TRPM5: variants seen among roughly 807,000 people sequenced by gnomAD.
TRPM5 encodes MLSN1 and TRP-related.
TRPM5 carries 121 observed loss-of-function variants against 124.9 expected under a neutral mutation model. The observed-to-expected ratio is 0.97, with a 90% CI of 0.84 to 1.13. The LOEUF is 1.13. Among genes scored for constraint, TRPM5 ranks in the 50% most tolerant of loss-of-function variants. The pLI, the probability that TRPM5 is intolerant of heterozygous loss-of-function variation, is 0.00. For missense variants in TRPM5, 1,643 were observed against 1,589.1 expected (o/e 1.03, Z -0.58); for synonymous variants, 781 against 700.5 (o/e 1.11, Z -1.81).
chr11:2,405,676 C>T, intron 22 of TRPM5, 83 bp from the exon 28 acceptor site: 1 of 1,434,538 alleles, frequency 7.0e-7, no homozygotes, highest in Non-Finnish European at 9.6e-7. Flanking sequence ...CTCCCCTCTC[C>T]TGCCAGGGCC....
At chr11:2,425,136 G>A (rs1845828293), upstream of TRPM5, among the ~76,000 whole-genome samples, 2 of 152,174 alleles carry the variant, frequency 1.3e-5, no homozygotes, top group Non-Finnish European at 2.9e-5. Context: ...GTGGGGGCTG[G>A]AGGCTGGGAC....
exon 3 of TRPM5, chr11:2,421,038 C>T (rs559585322): frequency 5.3e-5 from 82 of 1,541,978 alleles, no homozygotes; most frequent in Non-Finnish European, 6.7e-5. Context: ...GCACCTGGGC[C>T]TCCTCCAGAA....
chr11:2,405,034 T>A (rs1850285098), exon 24 of TRPM5: 1 of 1,612,364 alleles, frequency 6.2e-7, no homozygotes. Context: ...CTCGCCACAG[T>A]GCTGAGAGCC....
chr11:2,405,759 G>A (rs980977352), intron 22 of TRPM5, among the ~76,000 whole-genome samples, 166 bp from the exon 28 acceptor site: 18 of 152,178 alleles, frequency 1.2e-4, no homozygotes, highest in East Asian at 1.9e-4. Flanking sequence ...CCCGTGAGGC[G>A]TGTAGAGTGA....
At chr11:2,404,682 CACGTTTTCTGCCCGGGG>C in exon 24 of TRPM5, 1 of 517,426 alleles carries the variant, frequency 1.9e-6, no homozygotes, top group Non-Finnish European at 3.5e-6. Context: ...TGCGGTGGGG[CACGTTTTCTGCCCGGGG>C]AGTTGTGCCT....
At chr11:2,414,186 T>C in exon 12 of TRPM5, 4 of 1,609,870 alleles carry the variant, frequency 2.5e-6, no homozygotes, top group Non-Finnish European at 3.4e-6. Flanking sequence ...TCACTGTTGC[T>C]GTAGCACTCG....
chr11:2,404,236 T>C (rs1850267288), downstream of TRPM5, among the ~76,000 whole-genome samples: 1 of 152,068 alleles, frequency 6.6e-6, no homozygotes, highest in Non-Finnish European at 1.5e-5. Context: ...AGTGGGCAGT[T>C]GGGGGGCCTG....
At chr11:2,411,065 G>A (rs1336858794) in intron 18 of TRPM5, among the ~76,000 whole-genome samples, 3 of 152,124 alleles carry the variant, frequency 2.0e-5, no homozygotes, top group Non-Finnish European at 4.4e-5. Context: ...CCAAGCAGGA[G>A]GCAGCCCTGG....
rs200153604 is a variant in TRPM5 at position 2,414,808 on chromosome 11, C to T, written c.1651G>A (p.Ala551Thr). Reference sequence around the variant, plus strand: ...GACATCTCTTTGAGGATTTTGCAGGCGGCCAGTGCGGCTGCCACACCTTCC... The same window carrying T: ...GACATCTCTTTGAGGATTTTGCAGGTGGCCAGTGCGGCTGCCACACCTTCC... Residue 551 changes from alanine to threonine, a missense_variant, in exon 11 of 24, where the codon GCC becomes ACC. Coordinates refer to ENST00000155858, the Ensembl canonical transcript of TRPM5. 157 of 1,582,332 alleles carry T rather than the reference C, an allele frequency of 9.9e-5. No individual in the cohort carries two copies. The African/African-American group carries it at 1.3e-3, about 13-fold the overall frequency.
intron 21 of TRPM5, 138 bp downstream of exon 26, chr11:2,406,523 C>G: frequency 8.2e-7 from 1 of 1,216,918 alleles, no homozygotes; most frequent in South Asian, 1.5e-5. Context: ...AAGCTAGGCC[C>G]CTGGGCTCGG....
chr11:2,413,941 TCTGTGCTG>T, intron 12 of TRPM5, 112 bp downstream of exon 17: 1 of 1,383,460 alleles, frequency 7.2e-7, no homozygotes, highest in Non-Finnish European at 9.9e-7. Context: ...CCCCGCCCCC[TCTGTGCTG>T]AGGACGGGAG....
intron 8 of TRPM5, 100 bp from the exon 14 acceptor site, chr11:2,415,571 C>T (rs1428600908): frequency 3.6e-6 from 3 of 832,286 alleles, no homozygotes; most frequent in Non-Finnish European, 5.5e-6. Context: ...CATGGGGATC[C>T]ATCCCCAGGG....
Position 2,413,923 on chromosome 11 carries a change from A to G in TRPM5, c.1890+138T>C, listed in dbSNP as rs1486860574. 16 of 1,254,034 alleles carry G rather than the reference A, an allele frequency of 1.3e-5. No homozygotes were observed. The Admixed American group carries it at 2.1e-4, about 17-fold the overall frequency. The allele number at this position is 1,254,034 out of a possible 1,614,324, so 77.7% of individuals were successfully genotyped here. On this transcript the variant is annotated intron_variant, in intron 12 of 23. Transcript: ENST00000155858. ...CCAGGTGGGCGCCTTCCAGGAACAG[A>G]AGCCCCACCCCGCCCCCTCTGTGCT...
intron 15 of TRPM5, 110 bp from the exon 21 acceptor site, chr11:2,412,363 G>A (rs1850470269): frequency 1.2e-6 from 1 of 853,712 alleles, no homozygotes; most frequent in Admixed American, 1.9e-5. Flanking sequence ...TCTATGACCA[G>A]GGCCGAGGCT....
At chr11:2,413,721 G>A (rs1019426062) in intron 12 of TRPM5, 133 bp from the exon 18 acceptor site, 28 of 851,234 alleles carry the variant, frequency 3.3e-5, no homozygotes, top group African/African-American at 2.2e-4. Flanking sequence ...CCTCCCTCCC[G>A]GAGCCCCCGT....
intron 20 of TRPM5, 91 bp from the exon 26 acceptor site, chr11:2,406,884 CAGA>C: frequency 2.0e-6 from 3 of 1,518,378 alleles, no homozygotes; most frequent in African/African-American, 2.8e-5. Context: ...GTGGGCCAGG[CAGA>C]AGGAGTGAGT....
chr11:2,440,492 A>G, the TRPM5 span, among the ~76,000 whole-genome samples: 1 of 151,964 alleles, frequency 6.6e-6, no homozygotes, highest in Non-Finnish European at 1.5e-5. The surrounding 1 kb of genome is among the most constrained non-coding windows in gnomAD (Gnocchi z 5.2). Flanking sequence ...CCTCCCATCC[A>G]TTCTGCATTG....
At chr11:2,429,042 G>T in the TRPM5 span, among the ~76,000 whole-genome samples, 7 of 151,614 alleles carry the variant, frequency 4.6e-5, no homozygotes, top group Non-Finnish European at 7.4e-5. The surrounding 1 kb of genome is among the most constrained non-coding windows in gnomAD (Gnocchi z 8.4). Context: ...TGGTGATAGT[G>T]TTGGTACTGG....
At chr11:2,418,826 C>T (rs1251500485) in intron 4 of TRPM5, among the ~76,000 whole-genome samples, 1 of 152,244 alleles carries the variant, frequency 6.6e-6, no homozygotes, top group Admixed American at 6.5e-5. Flanking sequence ...CAACAGCTGG[C>T]ATATGGCTGT....
Sources: gnomAD v4.1 joint callset for allele counts (sites outside exome capture counted in the v4.1 genomes callset) on GRCh38, gnomAD v4.1.1 for gene constraint, Gnocchi (gnomAD v3.1) non-coding constraint, MANE v1.5 for transcripts, NCBI Gene and HGNC (gene_info 2026-07-23, HGNC 2026-07-21) for gene names.